Variants in TMEM132B observed in about 807,000 individuals in gnomAD.
TMEM132B encodes transmembrane protein 132B.
Under a neutral mutation model 90.8 loss-of-function variants are expected in TMEM132B, and 18 were observed. The observed-to-expected ratio is 0.20, with a 90% CI of 0.14 to 0.29. TMEM132B has a LOEUF of 0.29. TMEM132B is among the 10% of genes least tolerant of loss of function. The pLI, the probability that TMEM132B is intolerant of heterozygous loss-of-function variation, is 1.00. For missense variants in TMEM132B, 1,096 were observed against 1,326.8 expected (o/e 0.83, Z 2.70); for synonymous variants, 504 against 523.3 (o/e 0.96, Z 0.50).
At position 125,509,297 on chromosome 12, in the gene TMEM132B, C is replaced by T. The variant is rs531365481; in HGVS notation, c.1107-10142C>T. Among the ~76,000 whole-genome samples, 6 of 152,264 alleles carry T rather than the reference C, an allele frequency of 3.9e-5. No individual in the cohort carries two copies. In the East Asian group the frequency reaches 5.8e-4, roughly 15 times the overall value. ...TCATAGCTGTGTAACCTGCCTGGGC[C>T]GGGGCTTCCTGGCGCTCTAGTTATG... On this transcript the variant is annotated intron_variant, in intron 3 of 8. Coordinates refer to ENST00000682704, the MANE Select transcript of TMEM132B (RefSeq NM_001366854.1).
intron 3 of TMEM132B, among the ~76,000 whole-genome samples, chr12:125,465,478 A>C (rs1881539290): frequency 6.6e-6 from 1 of 152,202 alleles, no homozygotes; most frequent in African/African-American, 2.4e-5. Flanking sequence ...CTAGAAATGA[A>C]CTGCTCAGTG....
intron 1 of TMEM132B, among the ~76,000 whole-genome samples, chr12:125,250,147 G>C (rs1874287856): frequency 6.6e-6 from 1 of 152,256 alleles, no homozygotes; most frequent in African/African-American, 2.4e-5. Flanking sequence ...CGTCACAGCA[G>C]CTGGGCAAAA....
chr12:125,304,813 G>T (rs113027237), intron 1 of TMEM132B, among the ~76,000 whole-genome samples: 2,148 of 152,150 alleles, frequency 0.014, 59 homozygotes, highest in African/African-American at 0.048. Flanking sequence ...CTGCACTCCA[G>T]CCTGGGCAAC....
chr12:125,603,641 A>T lies in TMEM132B; in HGVS notation c.1437+19647A>T, dbSNP rs147672437. On this transcript the variant is annotated intron_variant, in intron 5 of 8. Transcript: ENST00000682704. ...TAAAGAGCTTCTTCACAGCGAAAGA[A>T]ACTATCATCAGAGTGAACAGGCAAC... 5.8e-4 allele frequency among the ~76,000 whole-genome samples: 89 copies of T among 152,374 alleles called. No individual in the cohort carries two copies. In the East Asian group the frequency reaches 0.013, roughly 23 times the overall value.
chr12:125,217,899 C>T (rs1873473174), intron 1 of TMEM132B, among the ~76,000 whole-genome samples: 1 of 152,174 alleles, frequency 6.6e-6, no homozygotes, highest in African/African-American at 2.4e-5. Flanking sequence ...ATGACTGCAG[C>T]AGTTGTTCGT....
chr12:125,414,489 C>T (rs990819237), intron 2 of TMEM132B, among the ~76,000 whole-genome samples: 1 of 152,112 alleles, frequency 6.6e-6, no homozygotes, highest in African/African-American at 2.4e-5. Context: ...TTTGATATCC[C>T]TTTTTTGTTC....
At position 125,658,750 on chromosome 12, in the gene TMEM132B, T is replaced by C. The variant is rs1887135213; in HGVS notation, c.*4040T>C. ...ATCGTAGCTTTTAAATGTACAGACA[T>C]CCCACTCAAAAATATCTAAACTGAT... is the stretch of plus-strand genomic sequence containing the variant. On this transcript the variant is annotated 3_prime_UTR_variant, in exon 9 of 9. Transcript: ENST00000682704. The C allele has an allele frequency of 6.6e-6, 1 of 152,206 alleles. No homozygotes were observed. The highest frequency in any genetic ancestry group is 1.5e-5 in the Non-Finnish European group (1 of 68,042). The allele number at this position is 152,206 out of a possible 1,614,324, so 9.4% of individuals were successfully genotyped here.
chr12:125,619,328 TTATATTTA>T (rs1317992722), intron 5 of TMEM132B, among the ~76,000 whole-genome samples: 5 of 134,312 alleles, frequency 3.7e-5, no homozygotes, highest in Admixed American at 1.7e-4. Flanking sequence ...TGGCATTTAT[TTATATTTA>T]TTTATTTATT....
chr12:125,479,326 A>G (rs1003376982), intron 3 of TMEM132B, among the ~76,000 whole-genome samples: 2 of 152,252 alleles, frequency 1.3e-5, no homozygotes, highest in Admixed American at 1.3e-4. Context: ...CAAATTGGAT[A>G]AAGAGTCAAG....
chr12:125,629,991 A>G (rs1170646286), intron 5 of TMEM132B, among the ~76,000 whole-genome samples: 3 of 152,182 alleles, frequency 2.0e-5, no homozygotes, highest in Non-Finnish European at 4.4e-5. Flanking sequence ...GATAAATCCC[A>G]CTTGATCATG....
At chr12:125,273,905 C>T (rs924039990) in intron 1 of TMEM132B, among the ~76,000 whole-genome samples, 1 of 152,136 alleles carries the variant, frequency 6.6e-6, no homozygotes, top group Non-Finnish European at 1.5e-5. Context: ...CTCAGGTGAT[C>T]CACCCACCTT....
intron 1 of TMEM132B, among the ~76,000 whole-genome samples, chr12:125,340,564 T>C (rs1266284664): frequency 6.6e-6 from 1 of 152,204 alleles, no homozygotes; most frequent in African/African-American, 2.4e-5. Flanking sequence ...TGGTATTCTC[T>C]GTTGTATTTC....
At chr12:125,403,434 T>C (rs147984129) in intron 2 of TMEM132B, among the ~76,000 whole-genome samples, 109 of 152,336 alleles carry the variant, frequency 7.2e-4, no homozygotes, top group African/African-American at 2.5e-3. Flanking sequence ...GAGCCCAAAT[T>C]CCGCAAACTC....
chr12:125,516,465 A>T (rs1194848425), intron 3 of TMEM132B, among the ~76,000 whole-genome samples: 1 of 152,160 alleles, frequency 6.6e-6, no homozygotes, highest in Non-Finnish European at 1.5e-5. Context: ...AAATGACTTT[A>T]AAAAAAACCT....
intron 1 of TMEM132B, among the ~76,000 whole-genome samples, chr12:125,250,373 A>G (rs777265721): frequency 6.6e-6 from 1 of 152,236 alleles, no homozygotes; most frequent in Non-Finnish European, 1.5e-5. Flanking sequence ...TTGCTGTTCC[A>G]TCTTGCACAT....
chr12:125,645,924 T>C (rs2137034432), intron 6 of TMEM132B, among the ~76,000 whole-genome samples: 1 of 152,182 alleles, frequency 6.6e-6, no homozygotes, highest in Middle Eastern at 3.4e-3. Context: ...GGCTGGAAGA[T>C]TTTGAGGAGC....
chr12:125,578,977 T>C (rs1884993770), intron 4 of TMEM132B, among the ~76,000 whole-genome samples: 1 of 152,244 alleles, frequency 6.6e-6, no homozygotes, highest in Non-Finnish European at 1.5e-5. Context: ...TGCAGATTAA[T>C]GTTTTTAATA....
intron 5 of TMEM132B, among the ~76,000 whole-genome samples, chr12:125,638,061 A>T (rs1003591843): frequency 6.6e-6 from 1 of 152,178 alleles, no homozygotes; most frequent in Admixed American, 6.5e-5. Context: ...GCCTTTCCCA[A>T]TCGGCCTGTG....
chr12:125,578,660 T>C, intron 4 of TMEM132B, among the ~76,000 whole-genome samples: 1 of 152,100 alleles, frequency 6.6e-6, no homozygotes, highest in African/African-American at 2.4e-5. Flanking sequence ...CTTTCTGTTT[T>C]TCTTGGTTTG....
Sources: allele counts gnomAD v4.1 joint callset (sites outside exome capture counted in the v4.1 genomes callset), GRCh38; gene constraint gnomAD v4.1.1; transcripts MANE v1.5; gene names NCBI Gene and HGNC (gene_info 2026-07-23, HGNC 2026-07-21).